ECPAS: variants seen among roughly 807,000 people sequenced by gnomAD.
ECPAS encodes Ecm29 proteasome adaptor and scaffold.
In ECPAS, 70 loss-of-function variants were observed where a neutral mutation model predicts 255.1. The observed-to-expected ratio is 0.27, with a 90% CI of 0.23 to 0.33. ECPAS has a LOEUF of 0.33. Among genes scored for constraint, ECPAS ranks in the 10% least tolerant of loss-of-function variants. The pLI is 1.00. For synonymous variants in ECPAS, 784 were observed against 775.0 expected (o/e 1.01, Z -0.19); for missense variants, 1,817 against 2,206.4 (o/e 0.82, Z 3.54).
intron 2 of ECPAS, among the ~76,000 whole-genome samples, chr9:111,472,048 G>A (rs2098289013): frequency 6.6e-6 from 1 of 151,966 alleles, no homozygotes; most frequent in South Asian, 2.1e-4. Context: ...GCTGCAGTGA[G>A]CCATGATCGT....
At chr9:111,464,611 T>A (rs1408443309) in intron 2 of ECPAS, among the ~76,000 whole-genome samples, 2 of 152,018 alleles carry the variant, frequency 1.3e-5, no homozygotes, top group Non-Finnish European at 2.9e-5. Context: ...TAAACAAGGA[T>A]TACATGTTAC....
intron 25 of ECPAS, among the ~76,000 whole-genome samples, chr9:111,396,009 T>C (rs551202392): frequency 9.9e-5 from 15 of 152,214 alleles, no homozygotes; most frequent in Non-Finnish European, 1.8e-4. Context: ...AATGAAATAA[T>C]AGGTGAACGC....
intron 48 of ECPAS, chr9:111,365,864 C>T (rs146940752): frequency 7.1e-4 from 125 of 176,670 alleles, no homozygotes; most frequent in African/African-American, 2.9e-3. Context: ...AGGAGAAAAA[C>T]ATGTATATAG....
At chr9:111,467,211 G>C (rs1564565648) in intron 2 of ECPAS, among the ~76,000 whole-genome samples, 1 of 152,084 alleles carries the variant, frequency 6.6e-6, no homozygotes, top group Non-Finnish European at 1.5e-5. Flanking sequence ...AGAGAAAAAA[G>C]AAGAGAAGAG....
intron 16 of ECPAS, among the ~76,000 whole-genome samples, chr9:111,419,554 A>T (rs2098209931): frequency 6.6e-6 from 1 of 152,030 alleles, no homozygotes; most frequent in Non-Finnish European, 1.5e-5. Flanking sequence ...ATTCATTAAT[A>T]TAAAATGCAA....
rs772332474 is a variant in ECPAS, at chr9:111,394,267, C to T, written c.2815G>A (p.Val939Met). The change falls in exon 26 of 50, where the codon GTG becomes ATG. Residue 939 changes from valine (V) to methionine (M), a missense_variant. Physicochemically the swap from Val to Met is conservative, Grantham distance 21. Around this residue, in one of 4 missense-constraint regions of ECPAS, gnomAD observed 960 missense variants for 1,179.0 expected, o/e 0.81. Coordinates refer to ENST00000684092, the MANE Select transcript of ECPAS (RefSeq NM_001364929.1). ...CTGATGATATGTTTATTTAAAATCA[C>T]ATCCAACACCCATGGAACCACATCA... ...VNDVVPWVLD[V>M]ILNKHIISPN... The T allele has an allele frequency of 1.3e-6, 2 of 1,598,514 alleles. No individual in the cohort carries two copies. The highest frequency in any genetic ancestry group is 2.3e-5 in the East Asian group (1 of 44,134).
At chr9:111,400,270 A>G (rs977629368) in intron 24 of ECPAS, among the ~76,000 whole-genome samples, 2 of 152,226 alleles carry the variant, frequency 1.3e-5, no homozygotes, top group African/African-American at 4.8e-5. Flanking sequence ...TCATATTTGA[A>G]TTCTTGGAAG....
chr9:111,466,651 AC>A (rs1365886971), intron 2 of ECPAS, among the ~76,000 whole-genome samples: 1 of 151,304 alleles, frequency 6.6e-6, no homozygotes, highest in African/African-American at 2.4e-5. Flanking sequence ...ACACACACAC[AC>A]ACACGTTTTT....
chr9:111,438,653 G>A lies in ECPAS; in HGVS notation c.540-1545C>T, dbSNP rs28673833. Among the ~76,000 whole-genome samples, 395 of 152,234 alleles carry A rather than the reference G, an allele frequency of 2.6e-3. 2 individuals carry two copies. Among genetic ancestry groups the A allele is most frequent in the Non-Finnish European group, 1.7e-3 (113 of 68,008 alleles). On this transcript the variant is annotated intron_variant, in intron 6 of 49. Transcript: ENST00000684092. ...GAGGAATATAAGGAGATGTAAGATC[G>A]AGTCTCTGCCATCTGGAGTAAGCTG...
rs768587528 is a variant in ECPAS at position 111,390,094 on chromosome 9, G to A, written c.3169C>T (p.Leu1057Phe). Residue 1057 changes from leucine (L) to phenylalanine (F), a missense_variant, in exon 30 of 50, where the codon CTT becomes TTT. By Grantham distance (22) the Leu-to-Phe change is conservative (BLOSUM62 0). Around this residue, in one of 4 missense-constraint regions of ECPAS, gnomAD observed 960 missense variants for 1,179.0 expected, o/e 0.81. Transcript: ENST00000684092. ...GAACAAAGTTCCTTGTAAGTAGAAA[G>A]GCCCTGACTTGGAAACAAAGAAAAA... The part of the protein sequence containing the change: ...ALGKTPDGQG[L>F]STYKELCSLA... 1 of 1,572,958 alleles carries A rather than the reference G, an allele frequency of 6.4e-7. No homozygotes were observed. The highest frequency in any genetic ancestry group is 1.1e-5 in the South Asian group (1 of 87,462).
At chr9:111,434,752 C>A (rs996156325) in intron 7 of ECPAS, among the ~76,000 whole-genome samples, 2 of 151,812 alleles carry the variant, frequency 1.3e-5, no homozygotes, top group African/African-American at 4.8e-5. Flanking sequence ...CCGCCATGCC[C>A]GGCTAATTTT....
At chr9:111,471,935 T>G (rs2098288798) in intron 2 of ECPAS, among the ~76,000 whole-genome samples, 1 of 151,568 alleles carries the variant, frequency 6.6e-6, no homozygotes, top group African/African-American at 2.4e-5. Flanking sequence ...AGACTCTGTC[T>G]CTACCAAAAA....
At chr9:111,413,101 C>G (rs2098197277) in intron 20 of ECPAS, among the ~76,000 whole-genome samples, 1 of 152,148 alleles carries the variant, frequency 6.6e-6, no homozygotes, top group African/African-American at 2.4e-5. Flanking sequence ...TACATTGGTA[C>G]CACACACGGA....
chr9:111,395,879 G>A (rs112135074), intron 25 of ECPAS, among the ~76,000 whole-genome samples: 18 of 152,058 alleles, frequency 1.2e-4, no homozygotes, highest in Non-Finnish European at 2.4e-4. Context: ...TGCTTCATGT[G>A]TGTTCAAAGA....
At chr9:111,376,886 G>C (rs895223058) in intron 36 of ECPAS, among the ~76,000 whole-genome samples, 2 of 152,184 alleles carry the variant, frequency 1.3e-5, no homozygotes, top group African/African-American at 4.8e-5. Flanking sequence ...TTAAAATTGT[G>C]TCTAAGCAGT....
intron 45 of ECPAS, among the ~76,000 whole-genome samples, chr9:111,369,522 A>G (rs2098124827): frequency 6.6e-6 from 1 of 152,230 alleles, no homozygotes; most frequent in African/African-American, 2.4e-5. Context: ...AGAGAAACAG[A>G]GGCTAAGAGA....
chr9:111,436,074 A>C (rs1248629445), intron 7 of ECPAS, among the ~76,000 whole-genome samples: 1 of 151,886 alleles, frequency 6.6e-6, no homozygotes, highest in African/African-American at 2.4e-5. Flanking sequence ...AAGGAAATCA[A>C]ATCAATTATA....
chr9:111,389,817 A>ATT (rs2098156546), intron 30 of ECPAS, 94 bp from the exon 31 acceptor site: 1 of 1,317,776 alleles, frequency 7.6e-7, no homozygotes, highest in Non-Finnish European at 1.0e-6. Flanking sequence ...GCCTAAATAC[A>ATT]GCCTGATTTA....
chr9:111,426,005 A>T (rs2131820020), intron 10 of ECPAS, among the ~76,000 whole-genome samples, 177 bp from the exon 11 acceptor site: 1 of 152,356 alleles, frequency 6.6e-6, no homozygotes, highest in Non-Finnish European at 1.5e-5. Flanking sequence ...TCCTATAAAT[A>T]GTCTGTGGAG....
Sources: allele counts gnomAD v4.1 joint callset (sites outside exome capture counted in the v4.1 genomes callset), GRCh38; gene constraint gnomAD v4.1.1; regional missense constraint gnomAD v4.1.1; transcripts MANE v1.5; gene names NCBI Gene and HGNC (gene_info 2026-07-23, HGNC 2026-07-21).